The following RANBP17 variants were observed in gnomAD, a reference collection of about 807,000 sequenced individuals.
RANBP17 encodes RAN binding protein 17, also known as ran-binding protein 17.
Under a neutral mutation model 141.2 loss-of-function variants are expected in RANBP17, and 158 were observed. The observed-to-expected ratio is 1.12, with a 90% CI of 0.98 to 1.28. RANBP17 has a LOEUF of 1.28. Ranked by LOEUF, RANBP17 falls within the 50% of genes most tolerant of loss-of-function variation. The probability of loss-of-function intolerance (pLI) is 0.00; values close to 1 mark genes in which losing one functional copy is unlikely to be tolerated. For synonymous variants in RANBP17, 430 were observed against 450.0 expected, an observed-to-expected ratio of 0.96 and a Z score of 0.56; for missense variants, 1,438 against 1,290.7, an observed-to-expected ratio of 1.11 and a Z score of -1.75.
At chr5:171,159,787 G>A (rs1759190474) in intron 14 of RANBP17, among the ~76,000 whole-genome samples, 1 of 151,842 alleles carries the variant, frequency 6.6e-6, no homozygotes, top group African/African-American at 2.4e-5. Flanking sequence ...GCTGGGCGTG[G>A]TGGCAGTCGC....
chr5:171,024,713 G>T (rs1358842686), intron 14 of RANBP17, among the ~76,000 whole-genome samples: 5 of 151,648 alleles, frequency 3.3e-5, no homozygotes, highest in African/African-American at 9.7e-5. Context: ...TTCTTCCTCA[G>T]CTTCTTTAGT....
chr5:171,114,115 CATAA>C (rs1212247475), intron 14 of RANBP17, among the ~76,000 whole-genome samples: 1 of 152,036 alleles, frequency 6.6e-6, no homozygotes, highest in Non-Finnish European at 1.5e-5. Flanking sequence ...ATAGAACTTA[CATAA>C]ATAAAAGCTT....
chr5:171,233,558 T>TA (rs570006111), intron 22 of RANBP17, among the ~76,000 whole-genome samples: 43 of 150,712 alleles, frequency 2.9e-4, no homozygotes, highest in Admixed American at 5.3e-4. Flanking sequence ...TATTCAGCAC[T>TA]AAAAAAAAAT....
chr5:171,267,023 T>C (rs547171760), intron 25 of RANBP17, among the ~76,000 whole-genome samples: 1 of 57,768 alleles, frequency 1.7e-5, no homozygotes, highest in East Asian at 1.3e-3. Context: ...TATATTTTCT[T>C]TTCTTTTTTT....
At chr5:171,182,353 C>T (rs1273203088) in intron 16 of RANBP17, among the ~76,000 whole-genome samples, 1 of 152,070 alleles carries the variant, frequency 6.6e-6, no homozygotes, top group Non-Finnish European at 1.5e-5. Context: ...TTATTTAGTC[C>T]TTGTATTCAT....
At chr5:171,125,505 A>G (rs771282617) in intron 14 of RANBP17, among the ~76,000 whole-genome samples, 1 of 152,138 alleles carries the variant, frequency 6.6e-6, no homozygotes, top group African/African-American at 2.4e-5. Flanking sequence ...ACAGTGGAGC[A>G]CTGAGATATA....
intron 14 of RANBP17, among the ~76,000 whole-genome samples, chr5:171,064,078 G>A (rs1390928399): frequency 6.6e-6 from 1 of 152,218 alleles, no homozygotes; most frequent in Non-Finnish European, 1.5e-5. Context: ...CCCTTTCTTT[G>A]ACTAGGAAAG....
intron 12 of RANBP17, 120 bp downstream of exon 12, chr5:170,924,670 A>T: frequency 1.6e-6 from 1 of 629,688 alleles, no homozygotes; most frequent in Non-Finnish European, 2.5e-6. Flanking sequence ...TGGTCCCCTA[A>T]TAAACCATTA....
intron 14 of RANBP17, among the ~76,000 whole-genome samples, chr5:171,091,589 G>A (rs1001880532): frequency 1.3e-5 from 2 of 152,188 alleles, no homozygotes; most frequent in African/African-American, 4.8e-5. Flanking sequence ...GGAGTGGAAT[G>A]ATATGGTTTG....
At chr5:171,124,382 C>A (rs1381272181) in intron 14 of RANBP17, among the ~76,000 whole-genome samples, 7 of 151,728 alleles carry the variant, frequency 4.6e-5, no homozygotes, top group Non-Finnish European at 8.8e-5. Context: ...AACCAGATAC[C>A]CTAATTTTGT....
intron 9 of RANBP17, among the ~76,000 whole-genome samples, chr5:170,917,929 T>C (rs1293433794): frequency 6.6e-6 from 1 of 152,144 alleles, no homozygotes; most frequent in African/African-American, 2.4e-5. Context: ...ATAGGTACTA[T>C]TTTCTATATA....
At chr5:171,019,050 A>C (rs1202626072) in intron 14 of RANBP17, among the ~76,000 whole-genome samples, 1 of 152,036 alleles carries the variant, frequency 6.6e-6, no homozygotes, top group Non-Finnish European at 1.5e-5. Flanking sequence ...TTTATGTGGT[A>C]GATTACATTT....
rs1348331816 is a variant in RANBP17 at position 171,231,909 on chromosome 5, G to T, written c.2423-9019G>T. Among the ~76,000 whole-genome samples the T allele has an allele frequency of 2.6e-5, 4 of 152,104 alleles. No homozygotes were observed. The South Asian group carries it at 8.3e-4, about 32-fold the overall frequency. On this transcript the variant is annotated intron_variant, in intron 22 of 27. Transcript: ENST00000523189. ...TACATTATTCATAATAGTGAAAAAT[G>T]GGAAAACAAACAAAATGCTACAAAT...
chr5:171,213,757 A>C lies in RANBP17; in HGVS notation c.2339+19A>C, dbSNP rs1763053811. On this transcript the variant is annotated intron_variant, in intron 21 of 27. Coordinates refer to ENST00000523189, the MANE Select transcript of RANBP17 (RefSeq NM_022897.5). ...AAAACAGGTAAGCAGTGTGACAGGC[A>C]GTGAGAAAAACAGTCTACTATTAGC... The C allele has an allele frequency of 6.5e-7, 1 of 1,541,532 alleles. No homozygotes were observed. The highest frequency in any genetic ancestry group is 1.1e-5 in the South Asian group (1 of 89,438).
chr5:170,960,937 G>C (rs1259655582), intron 13 of RANBP17, among the ~76,000 whole-genome samples: 1 of 152,096 alleles, frequency 6.6e-6, no homozygotes, highest in Non-Finnish European at 1.5e-5. Context: ...GTAGAGACAG[G>C]GTTTCACCGT....
intron 25 of RANBP17, chr5:171,271,075 CTTTTTTTTTTTTTTTTTTTTTTTTTTT>C (rs531200106): frequency 1.8e-4 from 5 of 27,546 alleles, no homozygotes; most frequent in Admixed American, 1.7e-3. Context: ...TATGTTATTT[CTTTTTTTTTTTTTTTTTTTTTTTTTTT>C]TTTTTTTTTT....
At chr5:170,896,506 A>G (rs1294969066) in intron 5 of RANBP17, among the ~76,000 whole-genome samples, 2 of 152,170 alleles carry the variant, frequency 1.3e-5, no homozygotes, top group African/African-American at 2.4e-5. Context: ...ATTCTCAACA[A>G]TGGATACACA....
At chr5:171,229,172 T>C (rs1764056562) in intron 22 of RANBP17, among the ~76,000 whole-genome samples, 1 of 152,180 alleles carries the variant, frequency 6.6e-6, no homozygotes, top group South Asian at 2.1e-4. Flanking sequence ...ATGGATATGG[T>C]CTTCGATCTT....
chr5:171,117,551 G>A (rs1234282686), intron 14 of RANBP17, among the ~76,000 whole-genome samples: 1 of 152,040 alleles, frequency 6.6e-6, no homozygotes, highest in Non-Finnish European at 1.5e-5. Context: ...CCAGGCTGGA[G>A]TGCAATGGTT....
Sources: gnomAD v4.1 joint callset for allele counts (sites outside exome capture counted in the v4.1 genomes callset) on GRCh38, gnomAD v4.1.1 for gene constraint, MANE v1.5 for transcripts, NCBI Gene and HGNC (gene_info 2026-07-23, HGNC 2026-07-21) for gene names.